The following CWC27 variants were observed in gnomAD, a reference collection of about 807,000 sequenced individuals.
The protein encoded by CWC27 is spliceosome-associated protein CWC27 homolog.
CWC27 carries 47 observed loss-of-function variants against 63.6 expected under a neutral mutation model. That is an observed-to-expected ratio of 0.74 (90% CI 0.58 to 0.94). The LOEUF (loss-of-function observed/expected upper bound fraction) is 0.94, where lower values mean the gene tolerates loss of function less well. CWC27 is among the 40% of genes least tolerant of loss of function. CWC27 has a pLI of 0.00. For missense variants in CWC27, 495 were observed against 554.3 expected (o/e 0.89, Z 1.07); for synonymous variants, 175 against 179.8 (o/e 0.97, Z 0.22).
chr5:64,862,970 G>T (rs562792580), intron 10 of CWC27, among the ~76,000 whole-genome samples: 1 of 152,162 alleles, frequency 6.6e-6, no homozygotes, highest in South Asian at 2.1e-4. Flanking sequence ...ATTTGTGAGG[G>T]CTTCACCCTC....
chr5:64,895,884 C>T (rs1747361531), intron 11 of CWC27, among the ~76,000 whole-genome samples: 1 of 151,848 alleles, frequency 6.6e-6, no homozygotes, highest in Admixed American at 6.6e-5. Context: ...AGAACTCAGC[C>T]CAAAAACAGA....
At chr5:64,786,480 A>C (rs762606774) in intron 5 of CWC27, 44 bp from the exon 6 acceptor site, 2 of 1,228,806 alleles carry the variant, frequency 1.6e-6, no homozygotes, top group Non-Finnish European at 2.2e-6. Flanking sequence ...TTTTTGTGAA[A>C]TGTTAAAAAT....
At chr5:65,015,473 T>G (rs572177835) in intron 13 of CWC27, among the ~76,000 whole-genome samples, 1 of 152,150 alleles carries the variant, frequency 6.6e-6, no homozygotes, top group African/African-American at 2.4e-5. Context: ...GGCTTAGACA[T>G]CAACACAGCC....
chr5:65,012,725 T>A (rs901187054), intron 13 of CWC27, among the ~76,000 whole-genome samples: 16 of 152,196 alleles, frequency 1.1e-4, no homozygotes, highest in African/African-American at 3.6e-4. Flanking sequence ...AGAGGCTACT[T>A]GAGTTTCTTT....
chr5:64,794,103 A>G (rs574199324), intron 7 of CWC27, among the ~76,000 whole-genome samples: 2 of 152,252 alleles, frequency 1.3e-5, no homozygotes, highest in South Asian at 4.1e-4. Context: ...AGATGAGGAA[A>G]CTGAGCCTCT....
chr5:64,780,122 A>T (rs1743614354), intron 2 of CWC27, among the ~76,000 whole-genome samples: 1 of 152,122 alleles, frequency 6.6e-6, no homozygotes, highest in Non-Finnish European at 1.5e-5. Flanking sequence ...CTGCAGATTT[A>T]CCTATTCTAG....
chr5:64,813,976 C>T (rs983274688), intron 10 of CWC27, among the ~76,000 whole-genome samples: 2 of 152,130 alleles, frequency 1.3e-5, no homozygotes, highest in African/African-American at 4.8e-5. Flanking sequence ...GCTTGTCCAA[C>T]CCGTGGCCCA....
chr5:64,898,695 CA>C (rs1169154566), intron 11 of CWC27, among the ~76,000 whole-genome samples: 1 of 151,928 alleles, frequency 6.6e-6, no homozygotes, highest in Non-Finnish European at 1.5e-5. Flanking sequence ...GATAAAGACT[CA>C]AAAAATGCCA....
intron 10 of CWC27, among the ~76,000 whole-genome samples, chr5:64,822,903 A>C (rs1444239117): frequency 1.3e-5 from 2 of 152,210 alleles, no homozygotes; most frequent in Non-Finnish European, 2.9e-5. Flanking sequence ...AAATGAGGTA[A>C]TGGTTTAGTG....
At chr5:64,965,275 T>C (rs1419610964) in intron 11 of CWC27, among the ~76,000 whole-genome samples, 1 of 152,160 alleles carries the variant, frequency 6.6e-6, no homozygotes, top group Non-Finnish European at 1.5e-5. Context: ...TATTACAAAA[T>C]CCAACACAGT....
At chr5:64,932,014 G>A (rs1014347183) in intron 11 of CWC27, among the ~76,000 whole-genome samples, 5 of 152,108 alleles carry the variant, frequency 3.3e-5, no homozygotes, top group African/African-American at 4.8e-5. Context: ...TTTAGGGTAC[G>A]TCTTTAACTG....
intron 2 of CWC27, among the ~76,000 whole-genome samples, chr5:64,779,730 C>T (rs1055472168): frequency 3.9e-5 from 6 of 152,188 alleles, no homozygotes; most frequent in African/African-American, 1.2e-4. Flanking sequence ...CAAATCTCAC[C>T]TTGAATTGTA....
chr5:64,886,397 A>G (rs1461399219), intron 11 of CWC27, among the ~76,000 whole-genome samples: 3 of 152,132 alleles, frequency 2.0e-5, no homozygotes, highest in Non-Finnish European at 4.4e-5. Flanking sequence ...ACTAAGTTTG[A>G]TACATTTGAT....
chr5:64,788,919 C>CTTTTTTTTTTTTTTTTTTTTTTTTTTT, intron 6 of CWC27, 32 bp from the exon 7 acceptor site: 1 of 1,240,830 alleles, frequency 8.1e-7, no homozygotes, highest in African/African-American at 1.6e-5. Context: ...CTTTCTCTTT[C>CTTTTTTTTTTTTTTTTTTTTTTTTTTT]TTTTTTTTTT....
At chr5:64,957,270 T>C (rs1357047006) in intron 11 of CWC27, among the ~76,000 whole-genome samples, 2 of 152,232 alleles carry the variant, frequency 1.3e-5, no homozygotes, top group African/African-American at 2.4e-5. Flanking sequence ...TAAATTCTTT[T>C]TATCTTGAAG....
rs112593988 is a variant in CWC27 at position 64,866,015 on chromosome 5, G to A, written c.939-19428G>A. On this transcript the variant is annotated intron_variant, in intron 10 of 13. Transcript: ENST00000381070. ...CATTTTAACCAAAGCATATTAGAAA[G>A]CCTTAGTTAAAATAATTACAAATGT... Among the ~76,000 whole-genome samples, 735 of 152,130 alleles carry A rather than the reference G, an allele frequency of 4.8e-3. 5 individuals carry two copies. The highest frequency in any genetic ancestry group is 0.017 in the African/African-American group (693 of 41,534).
intron 11 of CWC27, among the ~76,000 whole-genome samples, chr5:64,939,879 G>T (rs780092746): frequency 1.3e-5 from 2 of 152,176 alleles, no homozygotes; most frequent in African/African-American, 4.8e-5. Context: ...ACTGGGCTCC[G>T]CCCAGTACTA....
At chr5:64,801,205 G>A in intron 8 of CWC27, 97 bp from the exon 9 acceptor site, 3 of 1,090,574 alleles carry the variant, frequency 2.8e-6, no homozygotes, top group South Asian at 1.6e-5. Flanking sequence ...TTTTTGGAAT[G>A]TTATTCCCAG....
chr5:64,923,512 T>C (rs1308812002), intron 11 of CWC27, among the ~76,000 whole-genome samples: 2 of 149,748 alleles, frequency 1.3e-5, no homozygotes, highest in Admixed American at 6.7e-5. Flanking sequence ...GTCATCTCTC[T>C]AACCTCTCTC....
Sources: gnomAD v4.1 joint callset for allele counts (sites outside exome capture counted in the v4.1 genomes callset) on GRCh38, gnomAD v4.1.1 for gene constraint, MANE v1.5 for transcripts, NCBI Gene and HGNC (gene_info 2026-07-23, HGNC 2026-07-21) for gene names.